The following EIF3H variants were observed in gnomAD, a reference collection of about 807,000 sequenced individuals.
EIF3H encodes eIF-3-gamma.
In EIF3H, 26 loss-of-function variants were observed where a neutral mutation model predicts 44.2. The observed-to-expected ratio is 0.59, with a 90% CI of 0.43 to 0.82. The LOEUF (loss-of-function observed/expected upper bound fraction) is 0.82. Ranked by LOEUF, EIF3H falls within the 40% of genes least tolerant of loss-of-function variation. The pLI, the probability that EIF3H is intolerant of heterozygous loss-of-function variation, is 0.00. For synonymous variants in EIF3H, 166 were observed against 151.9 expected, an observed-to-expected ratio of 1.09 and a Z score of -0.68; for missense variants, 359 against 432.8, an observed-to-expected ratio of 0.83 and a Z score of 1.51.
chr8:116,668,103 C>T (rs555397247), intron 2 of EIF3H, among the ~76,000 whole-genome samples: 1 of 152,342 alleles, frequency 6.6e-6, no homozygotes, highest in East Asian at 1.9e-4. Flanking sequence ...GACTACTTCT[C>T]CAACACTCGG....
At chr8:116,722,540 G>T (rs1168123646) in intron 2 of EIF3H, among the ~76,000 whole-genome samples, 2 of 152,064 alleles carry the variant, frequency 1.3e-5, no homozygotes, top group African/African-American at 4.8e-5. Flanking sequence ...TTATTCTCAT[G>T]CATGTTTATA....
chr8:116,758,709 T>C (rs1815485358), upstream of EIF3H, among the ~76,000 whole-genome samples: 1 of 152,172 alleles, frequency 6.6e-6, no homozygotes, highest in Non-Finnish European at 1.5e-5. Flanking sequence ...AAACATAGGA[T>C]AACAAAATTT....
At chr8:116,737,506 A>T (rs930426649) in intron 1 of EIF3H, among the ~76,000 whole-genome samples, 3 of 151,728 alleles carry the variant, frequency 2.0e-5, no homozygotes, top group Non-Finnish European at 2.9e-5. Flanking sequence ...AACACAAAAT[A>T]TTGGCCAGAT....
At chr8:116,732,089 T>C (rs1409587562) in intron 1 of EIF3H, among the ~76,000 whole-genome samples, 4 of 152,218 alleles carry the variant, frequency 2.6e-5, no homozygotes, top group Non-Finnish European at 4.4e-5. Flanking sequence ...AGATGTCCTG[T>C]CTGCTGAAAT....
At chr8:116,652,016 T>C (rs963097016) in intron 5 of EIF3H, among the ~76,000 whole-genome samples, 5 of 152,166 alleles carry the variant, frequency 3.3e-5, no homozygotes, top group African/African-American at 1.2e-4. Flanking sequence ...AATAAGGTCC[T>C]AGACTAAGGC....
Position 116,645,080 on chromosome 8 carries a change from T to A in EIF3H, c.985A>T (p.Asn329Tyr), listed in dbSNP as rs760617143. 1.2e-6 allele frequency: 2 copies of A among 1,614,124 alleles called. No individual in the cohort carries two copies. The highest frequency in any genetic ancestry group is 2.2e-5 in the South Asian group (2 of 91,080). ...IAGQINTYCQ[N>Y]IKEFTAQNLG... ...TTTTGGGCAGTGAACTCCTTGATGT[T>A]CTGGCAGTAAGTGTTTATCTGGCCT... is the stretch of plus-strand genomic sequence containing the variant. Residue 329 changes from asparagine (N) to tyrosine (Y), a missense_variant, in exon 8 of 8, where the codon AAC (asparagine) becomes TAC (tyrosine). Physicochemically the swap from Asn to Tyr is moderately radical, Grantham distance 143 (BLOSUM62 -2). Around this residue, in one of 5 missense-constraint regions of EIF3H, gnomAD observed 94 missense variants for 96.0 expected, o/e 0.98. Transcript: ENST00000521861.
At chr8:116,672,395 G>A (rs1209246585) in intron 2 of EIF3H, among the ~76,000 whole-genome samples, 1 of 152,182 alleles carries the variant, frequency 6.6e-6, no homozygotes, top group African/African-American at 2.4e-5. Flanking sequence ...GAAGGCTAAG[G>A]CGGGAGGACT....
intron 2 of EIF3H, among the ~76,000 whole-genome samples, chr8:116,673,509 T>TA (rs1813791418): frequency 6.6e-6 from 1 of 152,090 alleles, no homozygotes; most frequent in East Asian, 1.9e-4. Flanking sequence ...ACCTAAATGT[T>TA]AAAAAACTGT....
intron 2 of EIF3H, among the ~76,000 whole-genome samples, chr8:116,664,435 G>A (rs1813634834): frequency 1.3e-5 from 2 of 152,208 alleles, no homozygotes; most frequent in Non-Finnish European, 2.9e-5. Flanking sequence ...AGCTCCTGAA[G>A]ATCACTGGAA....
chr8:116,671,160 A>G (rs1211536822), intron 2 of EIF3H, among the ~76,000 whole-genome samples: 1 of 152,226 alleles, frequency 6.6e-6, no homozygotes, highest in Admixed American at 6.5e-5. Context: ...GAAAGCATAA[A>G]TAACTGTCTA....
intron 1 of EIF3H, among the ~76,000 whole-genome samples, chr8:116,750,556 C>T (rs140639237): frequency 0.1 from 15,317 of 151,878 alleles, 1,140 homozygotes; most frequent in East Asian, 0.41. Flanking sequence ...ACTACAGGCA[C>T]CCGCCACCAC....
chr8:116,761,320 T>A (rs1278486738), intron 1 of EIF3H, among the ~76,000 whole-genome samples: 1 of 152,172 alleles, frequency 6.6e-6, no homozygotes, highest in East Asian at 1.9e-4. Context: ...GAGACCAGCC[T>A]GGACAACATG....
rs1815255412 is a variant in EIF3H, at chr8:116,747,366, T to C, written c.132+8300A>G. On this transcript the variant is annotated intron_variant, in intron 1 of 7. Coordinates refer to ENST00000521861, the MANE Select transcript of EIF3H (RefSeq NM_003756.3). ...CAGGCGGGAGCACGGCCCAATAACA[T>C]GTTCTTAATGATAATACTATGCCAT... Among the ~76,000 whole-genome samples the C allele has an allele frequency of 1.3e-5, 2 of 152,096 alleles. 1 individual carries two copies. The highest frequency in any genetic ancestry group is 4.1e-4 in the South Asian group (2 of 4,824).
intron 2 of EIF3H, among the ~76,000 whole-genome samples, chr8:116,699,081 G>A (rs938984388): frequency 1.1e-4 from 16 of 151,950 alleles, no homozygotes; most frequent in Admixed American, 7.2e-4. Flanking sequence ...CCCGGGAGGC[G>A]GAGGTTGCAG....
chr8:116,747,915 T>C (rs1466524430), intron 1 of EIF3H, among the ~76,000 whole-genome samples: 1 of 152,044 alleles, frequency 6.6e-6, no homozygotes, highest in Non-Finnish European at 1.5e-5. Context: ...TTCGAGACCA[T>C]CCTGACCAAC....
rs747813963 is a variant in EIF3H, at chr8:116,645,056, T to C, written c.1009A>G (p.Asn337Asp). Reference sequence around the variant, plus strand: ...TGGGCCATGAAGAGCTTGCCTAAGTTTTGGGCAGTGAACTCCTTGATGTTC... The same window carrying C: ...TGGGCCATGAAGAGCTTGCCTAAGTCTTGGGCAGTGAACTCCTTGATGTTC... The part of the protein sequence containing the change: ...CQNIKEFTAQ[N>D]LGKLFMAQAL... Residue 337 changes from asparagine (N) to aspartate (D), a missense_variant, in exon 8 of 8, where the codon AAC (asparagine) becomes GAC (aspartate). Around this residue, in one of 5 missense-constraint regions of EIF3H, gnomAD observed 94 missense variants for 96.0 expected, o/e 0.98. Transcript: ENST00000521861. 5 of 1,614,182 alleles carry C rather than the reference T, an allele frequency of 3.1e-6. No individual in the cohort carries two copies. Among genetic ancestry groups the C allele is most frequent in the Non-Finnish European group, 4.2e-6 (5 of 1,180,020 alleles).
intron 1 of EIF3H, among the ~76,000 whole-genome samples, chr8:116,735,203 G>A (rs1402716416): frequency 6.6e-6 from 1 of 152,214 alleles, no homozygotes; most frequent in Non-Finnish European, 1.5e-5. Context: ...GACATAATCT[G>A]CAAAACCTAG....
intron 1 of EIF3H, among the ~76,000 whole-genome samples, chr8:116,732,759 T>C (rs1441744810): frequency 2.0e-5 from 3 of 152,298 alleles, no homozygotes; most frequent in South Asian, 4.1e-4. Flanking sequence ...ATCAAACACA[T>C]AGGTCTTACT....
intron 2 of EIF3H, among the ~76,000 whole-genome samples, chr8:116,665,072 A>G (rs1269546185): frequency 2.6e-5 from 4 of 152,150 alleles, no homozygotes; most frequent in Non-Finnish European, 4.4e-5. Flanking sequence ...ATTACTTCAG[A>G]CTCTGACTCC....
Sources: allele counts gnomAD v4.1 joint callset (sites outside exome capture counted in the v4.1 genomes callset), GRCh38; gene constraint gnomAD v4.1.1; regional missense constraint gnomAD v4.1.1; transcripts MANE v1.5; gene names NCBI Gene and HGNC (gene_info 2026-07-23, HGNC 2026-07-21).